Variants in RORA observed in about 807,000 individuals in gnomAD.
RORA encodes the protein nuclear receptor ROR-alpha.
RORA carries 7 observed loss-of-function variants against 69.5 expected under a neutral mutation model. The observed-to-expected ratio is 0.10, with a 90% confidence interval of 0.06 to 0.19. The LOEUF (loss-of-function observed/expected upper bound fraction) is 0.19, where lower values mean the gene tolerates loss of function less well. Among genes scored for constraint, RORA ranks in the 10% least tolerant of loss-of-function variants. The pLI is 1.00. For missense variants in RORA, 457 were observed against 663.0 expected (o/e 0.69, Z 3.41); for synonymous variants, 261 against 240.8 (o/e 1.08, Z -0.78).
intron 2 of RORA, among the ~76,000 whole-genome samples, chr15:60,670,751 T>C (rs1331209099): frequency 6.6e-6 from 1 of 152,162 alleles, no homozygotes; most frequent in Non-Finnish European, 1.5e-5. Flanking sequence ...ATCCTTATAA[T>C]GTATAGATGT....
At chr15:61,116,320 TAGGATTTTAGG>T (rs2079050643) in intron 1 of RORA, among the ~76,000 whole-genome samples, 1 of 152,296 alleles carries the variant, frequency 6.6e-6, no homozygotes, top group East Asian at 1.9e-4. Flanking sequence ...AGCCCAGTTT[TAGGATTTTAGG>T]GTTTTAGACA....
Position 60,531,138 on chromosome 15 carries a change from T to TTTCTGTTTGTAAGGACTTTTTTATGTACA in RORA, c.282+599_282+627dup, listed in dbSNP as rs2066515148. 1 of 152,254 alleles carries TTTCTGTTTGTAAGGACTTTTTTATGTACA rather than the reference T, an allele frequency of 6.6e-6. No homozygotes were observed. Among genetic ancestry groups the TTTCTGTTTGTAAGGACTTTTTTATGTACA allele is most frequent in the African/African-American group, 2.4e-5 (1 of 41,462 alleles). 9.4% of individuals were successfully genotyped at this position (152,254 alleles called of 1,614,324 possible). On this transcript the variant is annotated intron_variant, in intron 3 of 10. Transcript: ENST00000335670. This position sits in a 1 kb window ranked among gnomAD's most constrained non-coding sequence, Gnocchi z 4.8. The stretch of plus-strand genomic sequence containing the variant: ...ATAATATTTAGAGTTAAATAGCACT[T>TTTCTGTTTGTAAGGACTTTTTTATGTACA]TTCTGTTTGTAAGGACTTTTTTATG...
chr15:61,009,237 C>A (rs905585236), intron 1 of RORA, among the ~76,000 whole-genome samples: 42 of 152,162 alleles, frequency 2.8e-4, no homozygotes, highest in African/African-American at 8.7e-4. Context: ...ATAAAAGTAG[C>A]CCATTCCGGG....
intron 3 of RORA, among the ~76,000 whole-genome samples, chr15:60,523,274 A>C (rs899718417): frequency 2.0e-5 from 3 of 152,216 alleles, no homozygotes; most frequent in Non-Finnish European, 4.4e-5. Context: ...CATTAATGTA[A>C]ACAAAATATC....
intron 1 of RORA, among the ~76,000 whole-genome samples, chr15:61,216,999 T>G (rs1003426666): frequency 6.6e-6 from 1 of 152,020 alleles, no homozygotes; most frequent in Non-Finnish European, 1.5e-5. Context: ...AGGGGATCAG[T>G]GGATTCAAGA....
intron 1 of RORA, among the ~76,000 whole-genome samples, chr15:61,053,847 T>TTATATATATATATATATATATATATATA (rs1413041814): frequency 2.9e-4 from 1 of 3,412 alleles, no homozygotes. Flanking sequence ...TTAGACTTCA[T>TTATATATATATATATATATATATATATA]GATATATATA....
intron 5 of RORA, among the ~76,000 whole-genome samples, chr15:60,506,869 C>T (rs2065521147): frequency 6.6e-6 from 1 of 152,068 alleles, no homozygotes; most frequent in Non-Finnish European, 1.5e-5. Flanking sequence ...TGCTTGTAAT[C>T]CCAGCTACTT....
At chr15:60,789,900 T>C (rs341451) in intron 1 of RORA, among the ~76,000 whole-genome samples, 1 of 152,170 alleles carries the variant, frequency 6.6e-6, no homozygotes, top group Admixed American at 6.5e-5. Context: ...AGGAACTACT[T>C]TGGGGTGCCC....
At chr15:61,134,873 C>T (rs1042769628) in intron 1 of RORA, among the ~76,000 whole-genome samples, 5 of 152,044 alleles carry the variant, frequency 3.3e-5, no homozygotes, top group African/African-American at 9.7e-5. Context: ...TACTTACTAC[C>T]GCCTATAGAA....
rs377369252 is a variant in RORA, at chr15:61,131,182, G to C, written c.166+97871C>G. ...ACTTTTGAACACTGGGTGTAAACTT[G>C]ATGGTCACTAACATTCCTGACCATG... On this transcript the variant is annotated intron_variant, in intron 1 of 10. Transcript: ENST00000335670. This position sits in a 1 kb window ranked among gnomAD's most constrained non-coding sequence, Gnocchi z 4.2. Among the ~76,000 whole-genome samples, 1 of 152,172 alleles carries C rather than the reference G, an allele frequency of 6.6e-6. No homozygotes were observed. Among genetic ancestry groups the C allele is most frequent in the African/African-American group, 2.4e-5 (1 of 41,440 alleles).
chr15:60,875,825 A>G (rs541950991), intron 1 of RORA, among the ~76,000 whole-genome samples: 1 of 152,306 alleles, frequency 6.6e-6, no homozygotes, highest in Admixed American at 6.5e-5. Context: ...CCAGGCCTTC[A>G]GTAGTAGATT....
At chr15:60,802,364 T>A (rs888714685) in intron 1 of RORA, among the ~76,000 whole-genome samples, 4 of 152,198 alleles carry the variant, frequency 2.6e-5, no homozygotes, top group Non-Finnish European at 5.9e-5. Flanking sequence ...ATTTTGTCAT[T>A]ATTTCTAGCT....
intron 1 of RORA, among the ~76,000 whole-genome samples, chr15:61,134,741 A>G (rs1415014113): frequency 4.6e-5 from 7 of 152,136 alleles, no homozygotes; most frequent in Non-Finnish European, 8.8e-5. Flanking sequence ...CGCAGTATAC[A>G]TGACACAAGC....
chr15:60,817,366 G>A (rs554532978), intron 1 of RORA, among the ~76,000 whole-genome samples: 1 of 152,326 alleles, frequency 6.6e-6, no homozygotes, highest in African/African-American at 2.4e-5. Flanking sequence ...GAAACATGAA[G>A]TGAGCACATG....
chr15:60,642,091 G>T (rs1328566347), intron 2 of RORA, among the ~76,000 whole-genome samples: 3 of 152,212 alleles, frequency 2.0e-5, no homozygotes, highest in African/African-American at 7.2e-5. Context: ...AGCTCGGGCT[G>T]TGTGAATAGT....
intron 1 of RORA, among the ~76,000 whole-genome samples, chr15:60,926,018 T>C (rs1452279106): frequency 6.6e-6 from 1 of 151,956 alleles, no homozygotes; most frequent in African/African-American, 2.4e-5. Flanking sequence ...CCCCTGAAGG[T>C]GGGAGGATAG....
intron 1 of RORA, among the ~76,000 whole-genome samples, chr15:60,803,972 G>A (rs2072622569): frequency 6.6e-6 from 1 of 152,018 alleles, no homozygotes; most frequent in Non-Finnish European, 1.5e-5. Flanking sequence ...AAGAGACAAA[G>A]CACTTTCTAG....
intron 3 of RORA, among the ~76,000 whole-genome samples, chr15:60,515,701 T>C (rs141082355): frequency 6.7e-6 from 1 of 148,696 alleles, no homozygotes; most frequent in African/African-American, 2.5e-5. Flanking sequence ...TCAATCCAGA[T>C]GTGATTTAGA....
At chr15:61,182,149 C>G (rs971220463) in intron 1 of RORA, among the ~76,000 whole-genome samples, 2 of 152,092 alleles carry the variant, frequency 1.3e-5, no homozygotes, top group Non-Finnish European at 2.9e-5. Context: ...GAGTTTTAGC[C>G]AAGAAGGAAA....
Sources: gnomAD v4.1 joint callset for allele counts (sites outside exome capture counted in the v4.1 genomes callset) on GRCh38, gnomAD v4.1.1 for gene constraint, Gnocchi (gnomAD v3.1) non-coding constraint, MANE v1.5 for transcripts, NCBI Gene and HGNC (gene_info 2026-07-23, HGNC 2026-07-21) for gene names.